The following PTK2 variants were observed in gnomAD, a reference collection of about 807,000 sequenced individuals.
PTK2 encodes protein tyrosine kinase 2, also known as focal adhesion kinase 1.
In PTK2, 45 loss-of-function variants were observed where a neutral mutation model predicts 150.1. The ratio of observed to expected loss-of-function variants is 0.30; its 90% CI spans 0.24 to 0.38. PTK2 has a LOEUF of 0.38. Ranked by LOEUF, PTK2 falls within the 10% of genes least tolerant of loss-of-function variation. The pLI, the probability that PTK2 is intolerant of heterozygous loss-of-function variation, is 1.00. For missense variants in PTK2, 919 were observed against 1,307.3 expected (o/e 0.70, Z 4.58); for synonymous variants, 432 against 449.2 (o/e 0.96, Z 0.48).
intron 1 of PTK2, among the ~76,000 whole-genome samples, chr8:140,939,993 C>T (rs541929473): frequency 2.6e-5 from 4 of 152,250 alleles, no homozygotes; most frequent in South Asian, 2.1e-4. Context: ...GAGTAGAGCA[C>T]GGGGCCTGGC....
intron 29 of PTK2, among the ~76,000 whole-genome samples, chr8:140,671,872 C>T (rs2095531342): frequency 6.9e-6 from 1 of 145,730 alleles, no homozygotes; most frequent in South Asian, 2.2e-4. Flanking sequence ...GCGGAGCTTG[C>T]AGTGAGCCAA....
intron 7 of PTK2, among the ~76,000 whole-genome samples, chr8:140,839,909 A>G (rs1442762580): frequency 6.6e-6 from 1 of 152,226 alleles, no homozygotes; most frequent in African/African-American, 2.4e-5. Context: ...AAAAGTAGGA[A>G]AAGGACCTTA....
At chr8:140,786,846 A>C (rs888395390) in intron 14 of PTK2, among the ~76,000 whole-genome samples, 2 of 152,100 alleles carry the variant, frequency 1.3e-5, no homozygotes, top group Non-Finnish European at 2.9e-5. Flanking sequence ...TCTGAAAGTG[A>C]AACTATTTTT....
chr8:140,816,360 T>A (rs1288152029), intron 10 of PTK2, among the ~76,000 whole-genome samples: 1 of 152,166 alleles, frequency 6.6e-6, no homozygotes, highest in African/African-American at 2.4e-5. Flanking sequence ...AAAAAGCACT[T>A]TCACAAAATT....
At chr8:140,887,381 T>C (rs1461809124) in intron 3 of PTK2, among the ~76,000 whole-genome samples, 1 of 152,236 alleles carries the variant, frequency 6.6e-6, no homozygotes, top group Non-Finnish European at 1.5e-5. Flanking sequence ...CTACTGTTGC[T>C]GTAATGGATT....
intron 10 of PTK2, among the ~76,000 whole-genome samples, chr8:140,807,566 G>A (rs1055437215): frequency 6.6e-5 from 10 of 152,148 alleles, no homozygotes; most frequent in African/African-American, 2.4e-4. Context: ...CTGGTGGCAG[G>A]AAGCCACACA....
At chr8:140,888,910 C>T (rs74882470) in intron 3 of PTK2, among the ~76,000 whole-genome samples, 1 of 152,158 alleles carries the variant, frequency 6.6e-6, no homozygotes, top group Non-Finnish European at 1.5e-5. Flanking sequence ...AAGACTAGAA[C>T]ATACACTAAA....
intron 1 of PTK2, among the ~76,000 whole-genome samples, chr8:140,933,537 G>A (rs766544636): frequency 2.0e-5 from 3 of 152,180 alleles, no homozygotes; most frequent in African/African-American, 4.8e-5. Flanking sequence ...ACTGTATAAA[G>A]GTGTATTTAT....
At chr8:140,856,367 AAAAC>A (rs534051560) in intron 5 of PTK2, among the ~76,000 whole-genome samples, 878 of 37,182 alleles carry the variant, frequency 0.024, 5 homozygotes, top group African/African-American at 0.082. Flanking sequence ...ATAATAGTAA[AAAAC>A]AAAACAAAAC....
chr8:140,890,896 G>A, intron 2 of PTK2, 127 bp from the exon 3 acceptor site: 1 of 762,272 alleles, frequency 1.3e-6, no homozygotes, highest in Non-Finnish European at 2.1e-6. Flanking sequence ...GGAGTCTGAG[G>A]AGAATAGAGA....
chr8:140,752,262 T>C (rs767353964), exon 17 of PTK2: 1 of 1,614,152 alleles, frequency 6.2e-7, no homozygotes, highest in Admixed American at 1.7e-5. Flanking sequence ...TCTCTCACGC[T>C]GTCCGAAGTA....
At chr8:140,905,138 T>C (rs1041613385) in intron 2 of PTK2, among the ~76,000 whole-genome samples, 2 of 152,198 alleles carry the variant, frequency 1.3e-5, no homozygotes, top group Non-Finnish European at 2.9e-5. Context: ...TTTAGTGCTA[T>C]AAATTTCCCT....
chr8:140,893,637 A>G (rs1362852120), intron 2 of PTK2, among the ~76,000 whole-genome samples: 1 of 152,182 alleles, frequency 6.6e-6, no homozygotes, highest in Non-Finnish European at 1.5e-5. Context: ...GGTAGGGCAG[A>G]GTTGGGAAGG....
chr8:140,772,965 T>A (rs2100076351), intron 14 of PTK2, among the ~76,000 whole-genome samples: 1 of 152,200 alleles, frequency 6.6e-6, no homozygotes, highest in Non-Finnish European at 1.5e-5. Flanking sequence ...TTAGTTTTCT[T>A]ATTGTAAAAT....
intron 31 of PTK2, among the ~76,000 whole-genome samples, chr8:140,661,584 G>T (rs2080073547): frequency 6.6e-6 from 1 of 152,190 alleles, no homozygotes; most frequent in South Asian, 2.1e-4. Flanking sequence ...TTGAATCTAT[G>T]AGAATGAGAA....
intron 29 of PTK2, chr8:140,668,732 C>A: frequency 1.3e-5 from 3 of 224,104 alleles, no homozygotes; most frequent in Non-Finnish European, 2.6e-5. Flanking sequence ...ACCCCAAAAT[C>A]ATTTACCACA....
chr8:140,966,432 G>C (rs926425511), intron 1 of PTK2, among the ~76,000 whole-genome samples: 22 of 152,284 alleles, frequency 1.4e-4, no homozygotes, highest in African/African-American at 5.1e-4. Context: ...CCCACTTACT[G>C]TTTTAGCAAC....
At chr8:140,721,987 C>A (rs2100043150) in intron 22 of PTK2, among the ~76,000 whole-genome samples, 1 of 152,068 alleles carries the variant, frequency 6.6e-6, no homozygotes, top group Non-Finnish European at 1.5e-5. Flanking sequence ...ACCTGAAGGC[C>A]CATTTTCAAA....
At chr8:140,689,008 A>G (rs747918362) in intron 26 of PTK2, among the ~76,000 whole-genome samples, 15 of 152,210 alleles carry the variant, frequency 9.9e-5, no homozygotes, top group Non-Finnish European at 1.9e-4. Context: ...GGTGTGAAAT[A>G]TAGCTCAAGA....
Sources: gnomAD v4.1 joint callset for allele counts (sites outside exome capture counted in the v4.1 genomes callset) on GRCh38, gnomAD v4.1.1 for gene constraint, MANE v1.5 for transcripts, NCBI Gene and HGNC (gene_info 2026-07-23, HGNC 2026-07-21) for gene names.